The following DMTN variants were observed in gnomAD, a reference collection of about 807,000 sequenced individuals.
DMTN encodes dematin.
In DMTN, 27 loss-of-function variants were observed where a neutral mutation model predicts 59.4. That is an observed-to-expected ratio of 0.45 (90% CI 0.33 to 0.63). The LOEUF (loss-of-function observed/expected upper bound fraction) is 0.63, where lower values mean the gene tolerates loss of function less well. DMTN is among the 20% of genes least tolerant of loss of function. The probability of loss-of-function intolerance (pLI) is 0.02; values close to 1 mark genes in which losing one functional copy is unlikely to be tolerated. For missense variants in DMTN, 451 were observed against 528.9 expected (o/e 0.85, Z 1.45); for synonymous variants, 221 against 203.7 (o/e 1.08, Z -0.72).
chr8:22,072,319 C>A lies in DMTN; in HGVS notation c.605-7C>A. The A allele has an allele frequency of 6.3e-7, 1 of 1,595,790 alleles. No individual in the cohort carries two copies. ...ACTCCCTCCCCACCTTTGCTTGTGT[C>A]TCCTAGAGACAGAATGGAGGAAGCG... On this transcript the variant is annotated splice_region_variant and splice_polypyrimidine_tract_variant and intron_variant, in intron 8 of 15. Coordinates refer to ENST00000358242, the MANE Select transcript of DMTN (RefSeq NM_001387751.1).
intron 1 of DMTN, among the ~76,000 whole-genome samples, chr8:22,065,801 C>T (rs1309371534): frequency 6.7e-6 from 1 of 150,072 alleles, no homozygotes; most frequent in African/African-American, 2.4e-5. Context: ...CACCCCTGCG[C>T]TCCGGCCTGG....
In DMTN at chr8:22,080,681, C is replaced by T. The variant is rs1211728506; in HGVS notation, c.957+56C>T. The T allele has an allele frequency of 3.3e-5, 52 of 1,587,598 alleles. No homozygotes were observed. The South Asian group carries it at 3.6e-4, about 11-fold the overall frequency. On this transcript the variant is annotated intron_variant, in intron 13 of 15. Transcript: ENST00000358242. ...GCAGCAGAAGCTGGGTCCTGGCACC[C>T]GAAAGTGTCAGGGGAAGGGGGGTGT...
chr8:22,066,514 C>G (rs1398656811), intron 1 of DMTN, 191 bp from the exon 2 acceptor site: 1 of 176,716 alleles, frequency 5.7e-6, no homozygotes, highest in Non-Finnish European at 1.2e-5. Context: ...TCCTTTGAAG[C>G]CAGAGAACAA....
At chr8:22,068,650 G>A (rs1395337292) in intron 4 of DMTN, among the ~76,000 whole-genome samples, 2 of 151,694 alleles carry the variant, frequency 1.3e-5, no homozygotes, top group African/African-American at 4.8e-5. Flanking sequence ...AAGAGGGAAG[G>A]AAGGGAGGAA....
intron 12 of DMTN, 22 bp from the exon 13 acceptor site, chr8:22,080,596 C>T: frequency 6.2e-7 from 1 of 1,610,766 alleles, no homozygotes; most frequent in South Asian, 1.1e-5. Context: ...TGCATCTGAC[C>T]CATGCCCCTT....
rs779430339 is a variant in DMTN at position 22,080,833 on chromosome 8, AC to A, written c.988del (p.Arg330GlyfsTer19). 3.1e-6 allele frequency: 5 copies of A among 1,598,746 alleles called. No individual in the cohort carries two copies. In the South Asian group the frequency reaches 5.6e-5, roughly 18 times the overall value. On this transcript the variant is annotated frameshift_variant, in exon 14 of 16. Transcript: ENST00000358242. LOFTEE classifies it high-confidence loss of function. ...QNGEGQRGRMDRGNSLPCVLE... is the reference protein window; with the variant it reads ...QNGEGQRGRMXRGNSLPCVLE... ...GGAGAGGGCCAGAGGGGGAGGATGG[AC>A]CGGGGGAACTCCCTGCCCTGTGTGC...
intron 8 of DMTN, among the ~76,000 whole-genome samples, chr8:22,071,675 G>A (rs1464541243): frequency 6.6e-6 from 1 of 152,022 alleles, no homozygotes; most frequent in Admixed American, 6.6e-5. Context: ...CGCCTCCCGG[G>A]CTCACGCTAT....
rs1481885052 is a variant in DMTN at position 22,082,325 on chromosome 8, T to C, written c.*862T>C. On this transcript the variant is annotated 3_prime_UTR_variant, in exon 16 of 16. Coordinates refer to ENST00000358242, the MANE Select transcript of DMTN (RefSeq NM_001387751.1). ...AATTTATTGGGGCCCCCCCAGCTGC[T>C]TTCCTCACCTGCCCCTGCCCTACCT... The C allele has an allele frequency of 4.6e-6, 2 of 434,748 alleles. No homozygotes were observed. The highest frequency in any genetic ancestry group is 7.1e-5 in the East Asian group (1 of 14,100). The allele number at this position is 434,748 out of a possible 1,614,324, so 26.9% of individuals were successfully genotyped here.
At chr8:22,068,283 A>G (rs890956499) in intron 4 of DMTN, among the ~76,000 whole-genome samples, 3 of 152,082 alleles carry the variant, frequency 2.0e-5, no homozygotes, top group African/African-American at 7.2e-5. Context: ...CTATTCCCCA[A>G]CTGGTTCCCA....
At chr8:22,076,553 A>G (rs370678422) in intron 10 of DMTN, among the ~76,000 whole-genome samples, 1 of 151,816 alleles carries the variant, frequency 6.6e-6, no homozygotes, top group Admixed American at 6.6e-5. Context: ...TGGGTGACAG[A>G]GTGGGATCCT....
chr8:22,050,812 TCTC>T (rs1366221786), upstream of DMTN, among the ~76,000 whole-genome samples: 1 of 152,056 alleles, frequency 6.6e-6, no homozygotes, highest in Non-Finnish European at 1.5e-5. Flanking sequence ...GACTGAGCCT[TCTC>T]CTCACCACAC....
rs1286534046 is a variant in DMTN at position 22,058,141 on chromosome 8, C to T, written c.-172+1005C>T. Among the ~76,000 whole-genome samples the T allele has an allele frequency of 2.6e-5, 4 of 152,022 alleles. No individual in the cohort carries two copies. The highest frequency in any genetic ancestry group is 2.1e-4 in the South Asian group (1 of 4,820). Reference sequence around the variant, plus strand: ...GGCACACAGGGCTTCGGAGTCTCCCCGCGTGCATGCGTCCTGCAACGGTTT... The same window carrying T: ...GGCACACAGGGCTTCGGAGTCTCCCTGCGTGCATGCGTCCTGCAACGGTTT... On this transcript the variant is annotated intron_variant, in intron 1 of 15. Transcript: ENST00000358242. This position sits in a 1 kb window ranked among gnomAD's most constrained non-coding sequence, Gnocchi z 4.3.
intron 2 of DMTN, 89 bp downstream of exon 2, chr8:22,066,982 G>A (rs1197671106): frequency 1.6e-6 from 2 of 1,248,312 alleles, no homozygotes; most frequent in Non-Finnish European, 2.0e-6. Context: ...CACCCGCCGC[G>A]CAGCGCCGCG....
chr8:22,067,711 C>G (rs901841142), intron 4 of DMTN, 29 bp downstream of exon 4: 1 of 1,606,924 alleles, frequency 6.2e-7, no homozygotes, highest in Non-Finnish European at 8.5e-7. Flanking sequence ...GGCAGGACTC[C>G]GGGGGAGGCC....
intron 6 of DMTN, 107 bp from the exon 7 acceptor site, chr8:22,069,774 G>T: frequency 7.5e-7 from 1 of 1,325,028 alleles, no homozygotes; most frequent in South Asian, 1.2e-5. Context: ...CTCTTGACAG[G>T]GGCCAGTGAG....
chr8:22,067,770 C>G (rs1310341164), intron 4 of DMTN, 88 bp downstream of exon 4: 1 of 1,489,444 alleles, frequency 6.7e-7, no homozygotes, highest in Admixed American at 2.0e-5. Context: ...GCTTCCTTTC[C>G]TGGAGGTCTG....
At position 22,067,606 on chromosome 8, in the gene DMTN, G is replaced by A. The variant is rs1563448530; in HGVS notation, c.173G>A (p.Arg58Gln). The A allele has an allele frequency of 6.2e-7, 1 of 1,614,124 alleles. No individual in the cohort carries two copies. The highest frequency in any genetic ancestry group is 8.5e-7 in the Non-Finnish European group (1 of 1,180,026). ...GACAAGGCCATCCTGGACATCGAGC[G>A]GCCCGACCTCATGATCTACGAGCCT... ...PKDKAILDIERPDLMIYEPHF... is the reference protein window; with the variant it reads ...PKDKAILDIEQPDLMIYEPHF... Residue 58 changes from arginine to glutamine, a missense_variant, in exon 4 of 16, where the codon CGG becomes CAG. By Grantham distance (43) the Arg-to-Gln change is conservative. Transcript: ENST00000358242.
intron 1 of DMTN, 35 bp from the exon 2 acceptor site, chr8:22,066,670 C>T (rs1366514276): frequency 1.6e-5 from 7 of 439,010 alleles, no homozygotes; most frequent in Non-Finnish European, 2.6e-5. Context: ...AGCCTAACGC[C>T]GCCCCGGCGC....
At chr8:22,054,874 G>A (rs1362135622), upstream of DMTN, 2 of 152,006 alleles carry the variant, frequency 1.3e-5, no homozygotes, top group African/African-American at 2.4e-5. Context: ...CCCTGCTGCC[G>A]CGGCTGAGCC....
Sources: gnomAD v4.1 joint callset for allele counts (sites outside exome capture counted in the v4.1 genomes callset) on GRCh38, gnomAD v4.1.1 for gene constraint, Gnocchi (gnomAD v3.1) non-coding constraint, MANE v1.5 for transcripts, NCBI Gene and HGNC (gene_info 2026-07-23, HGNC 2026-07-21) for gene names.